DLGAP2: variants seen among roughly 807,000 people sequenced by gnomAD.
DLGAP2 encodes DLG associated protein 2.
A neutral mutation model predicts 100.3 loss-of-function variants in DLGAP2; 26 were observed. The observed-to-expected ratio is 0.26, with a 90% CI of 0.19 to 0.36. The LOEUF is 0.36. DLGAP2 is among the 10% of genes least tolerant of loss of function. DLGAP2 has a pLI of 1.00. For missense variants in DLGAP2, 1,858 were observed against 1,453.2 expected (o/e 1.28, Z -4.53); for synonymous variants, 886 against 630.1 (o/e 1.41, Z -6.08).
At chr8:1,161,056 T>A (rs1796879010) in intron 2 of DLGAP2, among the ~76,000 whole-genome samples, 1 of 152,248 alleles carries the variant, frequency 6.6e-6, no homozygotes, top group Non-Finnish European at 1.5e-5. Context: ...ACTTAAAAAA[T>A]TGATAAGACA....
intron 2 of DLGAP2, among the ~76,000 whole-genome samples, chr8:1,070,063 ATTC>A (rs1803380182): frequency 6.6e-6 from 1 of 152,200 alleles, no homozygotes; most frequent in Admixed American, 6.5e-5. Flanking sequence ...ATATTCAAAC[ATTC>A]TTTTCTCCAA....
At chr8:1,312,931 C>G (rs1242818332) in intron 3 of DLGAP2, among the ~76,000 whole-genome samples, 2 of 152,192 alleles carry the variant, frequency 1.3e-5, no homozygotes, top group African/African-American at 2.4e-5. Flanking sequence ...TGAGGCCAAG[C>G]CCTACGTGCG....
chr8:1,605,475 G>A (rs1049319226), intron 6 of DLGAP2, among the ~76,000 whole-genome samples: 4 of 152,202 alleles, frequency 2.6e-5, no homozygotes, highest in African/African-American at 9.6e-5. Flanking sequence ...TCTGGTGAAT[G>A]CGTGAATCCA....
chr8:913,996 C>T (rs1379897881), intron 2 of DLGAP2, among the ~76,000 whole-genome samples: 1 of 152,196 alleles, frequency 6.6e-6, no homozygotes, highest in East Asian at 1.9e-4. Flanking sequence ...GATTGGTTAC[C>T]TGTTTTCAGG....
At position 1,549,531 on chromosome 8, in the gene DLGAP2, A is replaced by C. The variant is rs1801687581; in HGVS notation, c.1078A>C (p.Thr360Pro). The change falls in exon 5 of 15, where the codon ACG becomes CCG. Residue 360 changes from threonine to proline, a missense_variant. Physicochemically the swap from Thr to Pro is conservative, Grantham distance 38. Transcript: ENST00000637795. ...KCSACEGLAL[T>P]PDAKYLKRSS... ...CTCGGCCTGTGAGGGGTTGGCGCTG[A>C]CGCCCGACGCCAAGTACCTGAAGCG... 1 of 1,613,192 alleles carries C rather than the reference A, an allele frequency of 6.2e-7. No homozygotes were observed. The highest frequency in any genetic ancestry group is 1.3e-5 in the African/African-American group (1 of 74,916).
intron 6 of DLGAP2, among the ~76,000 whole-genome samples, chr8:1,600,254 T>C (rs2130700491): frequency 6.6e-6 from 1 of 152,350 alleles, no homozygotes; most frequent in East Asian, 1.9e-4. Context: ...GTTAGTCTAA[T>C]GGGCTTCCCT....
chr8:800,634 G>A (rs1007534181), intron 1 of DLGAP2, among the ~76,000 whole-genome samples: 2 of 152,126 alleles, frequency 1.3e-5, no homozygotes, highest in Non-Finnish European at 2.9e-5. Context: ...TTATATGTGT[G>A]TGCATGTCTA....
At chr8:1,102,697 C>T (rs1368580405) in intron 2 of DLGAP2, among the ~76,000 whole-genome samples, 3 of 152,090 alleles carry the variant, frequency 2.0e-5, no homozygotes, top group Non-Finnish European at 2.9e-5. Context: ...TGGCCTCGTG[C>T]GTGGGGGGAT....
intron 6 of DLGAP2, among the ~76,000 whole-genome samples, chr8:1,604,985 A>G (rs190428675): frequency 1.4e-4 from 22 of 152,328 alleles, no homozygotes; most frequent in African/African-American, 4.3e-4. Flanking sequence ...GTGGTGTAAC[A>G]GGATAAAGAT....
At chr8:1,178,264 G>C (rs1470174693) in intron 2 of DLGAP2, among the ~76,000 whole-genome samples, 1 of 152,218 alleles carries the variant, frequency 6.6e-6, no homozygotes. Context: ...GCATTTGGTG[G>C]GTGAGGTTAG....
chr8:883,604 C>T (rs1053792303), intron 1 of DLGAP2, among the ~76,000 whole-genome samples: 2 of 151,220 alleles, frequency 1.3e-5, no homozygotes, highest in Non-Finnish European at 2.9e-5. Flanking sequence ...TACATAGGAA[C>T]GCGTGTGCCG....
chr8:1,361,300 C>G (rs1801977184), intron 3 of DLGAP2, among the ~76,000 whole-genome samples: 1 of 152,240 alleles, frequency 6.6e-6, no homozygotes, highest in Non-Finnish European at 1.5e-5. Flanking sequence ...ACATTCTCCC[C>G]AACACACAAC....
chr8:1,156,620 C>CGCTCCAGCCCAGT lies in DLGAP2; in HGVS notation c.74-102229_74-102228insTCCAGCCCAGTGC, dbSNP rs1326741188. 3.3e-5 allele frequency among the ~76,000 whole-genome samples: 5 copies of CGCTCCAGCCCAGT among 151,826 alleles called. No individual in the cohort carries two copies. In the East Asian group the frequency reaches 5.9e-4, roughly 18 times the overall value. Reference sequence around the variant, plus strand: ...GCCCCAGCCTAGCGTCCCAGCCCAGCGCCCCAGCCCAGCGCCCCGGCTCAG... The same window carrying CGCTCCAGCCCAGT: ...GCCCCAGCCTAGCGTCCCAGCCCAGCGCTCCAGCCCAGTGCCCCAGCCCAGCGCCCCGGCTCAG... On this transcript the variant is annotated intron_variant, in intron 2 of 14. Transcript: ENST00000637795.
rs1242422893 is a variant in DLGAP2, at chr8:1,702,318, T to A, written c.*912T>A. ...GATTTTTTTAATGTATGTATATATA[T>A]ATATTCTCAAATTGCTCTATCAGCT... is the stretch of plus-strand genomic sequence containing the variant. On this transcript the variant is annotated 3_prime_UTR_variant, in exon 15 of 15. Coordinates refer to ENST00000637795, the MANE Select transcript of DLGAP2 (RefSeq NM_001346810.2). 6.6e-6 allele frequency: 1 copy of A among 152,370 alleles called. No homozygotes were observed. The highest frequency in any genetic ancestry group is 2.4e-5 in the African/African-American group (1 of 41,388). 9.4% of individuals were successfully genotyped at this position (152,370 alleles called of 1,614,324 possible).
chr8:1,263,104 G>A (rs896460840), intron 3 of DLGAP2, among the ~76,000 whole-genome samples: 11 of 152,240 alleles, frequency 7.2e-5, no homozygotes, highest in African/African-American at 2.6e-4. Context: ...TTATATAAAT[G>A]TAGCATTAGA....
At chr8:1,344,468 G>A (rs531530213) in intron 3 of DLGAP2, among the ~76,000 whole-genome samples, 8 of 152,316 alleles carry the variant, frequency 5.3e-5, no homozygotes, top group African/African-American at 1.7e-4. Context: ...AGACTCACCT[G>A]TTTGACATTA....
intron 2 of DLGAP2, among the ~76,000 whole-genome samples, chr8:1,165,488 CTAAT>C (rs1796997979): frequency 1.3e-5 from 2 of 152,156 alleles, no homozygotes; most frequent in African/African-American, 4.8e-5. Flanking sequence ...GGGCATCGCA[CTAAT>C]TAATGTGTAC....
intron 2 of DLGAP2, among the ~76,000 whole-genome samples, chr8:953,121 C>T (rs765320196): frequency 1.3e-5 from 2 of 152,142 alleles, no homozygotes; most frequent in African/African-American, 2.4e-5. Flanking sequence ...ATCAGAAAAG[C>T]CTTTAAAGTT....
At chr8:754,598 A>C (rs73523302) in intron 1 of DLGAP2, among the ~76,000 whole-genome samples, 7,264 of 152,272 alleles carry the variant, frequency 0.048, 588 homozygotes, top group African/African-American at 0.17. Context: ...TTACACCTGC[A>C]ATCCCAGTGC....
Sources: allele counts gnomAD v4.1 joint callset (sites outside exome capture counted in the v4.1 genomes callset), GRCh38; gene constraint gnomAD v4.1.1; transcripts MANE v1.5; gene names NCBI Gene and HGNC (gene_info 2026-07-23, HGNC 2026-07-21).